SLCO5A1: variants seen among roughly 807,000 people sequenced by gnomAD.
SLCO5A1 encodes the protein organic anion transporter polypeptide-related protein 4.
Under a neutral mutation model 65.1 loss-of-function variants are expected in SLCO5A1, and 39 were observed. The observed-to-expected ratio is 0.60, with a 90% confidence interval of 0.46 to 0.78. The LOEUF (loss-of-function observed/expected upper bound fraction) is 0.78. Among genes scored for constraint, SLCO5A1 ranks in the 30% least tolerant of loss-of-function variants. The pLI is 0.00. For synonymous variants in SLCO5A1, 438 were observed against 415.7 expected (o/e 1.05, Z -0.65); for missense variants, 1,029 against 1,069.4 (o/e 0.96, Z 0.53).
At chr8:69,729,447 A>AC (rs1816238637) in intron 5 of SLCO5A1, among the ~76,000 whole-genome samples, 1 of 6,590 alleles carries the variant, frequency 1.5e-4, no homozygotes, top group African/African-American at 2.6e-4. Context: ...CCGTCCCAAC[A>AC]AAAAAAAAAA....
At chr8:69,794,162 T>C in intron 2 of SLCO5A1, 1 of 293,374 alleles carries the variant, frequency 3.4e-6, no homozygotes, top group Non-Finnish European at 6.6e-6. Context: ...ATGTATGCAT[T>C]ACCATGGATG....
intron 2 of SLCO5A1, among the ~76,000 whole-genome samples, chr8:69,797,584 A>C (rs1035549743): frequency 2.0e-5 from 3 of 152,202 alleles, no homozygotes; most frequent in African/African-American, 7.2e-5. Context: ...GAGAAAGAGA[A>C]TACGTCCCTG....
intron 2 of SLCO5A1, chr8:69,794,305 C>A: frequency 4.3e-6 from 2 of 462,600 alleles, no homozygotes; most frequent in Admixed American, 2.3e-5. Flanking sequence ...GTTAATGTAG[C>A]AAAAGTAGAT....
At chr8:69,769,656 TA>T (rs1563713684) in intron 2 of SLCO5A1, among the ~76,000 whole-genome samples, 1 of 152,236 alleles carries the variant, frequency 6.6e-6, no homozygotes, top group Non-Finnish European at 1.5e-5. Flanking sequence ...TTAACACCTT[TA>T]TGTTATCTTA....
intron 3 of SLCO5A1, among the ~76,000 whole-genome samples, chr8:69,760,058 C>A (rs1294216303): frequency 3.9e-5 from 6 of 152,196 alleles, no homozygotes; most frequent in Admixed American, 3.3e-4. Context: ...TTCTCCCTAC[C>A]TGAGTTGGTT....
chr8:69,731,953 C>T (rs1473545145), intron 5 of SLCO5A1, among the ~76,000 whole-genome samples: 1 of 152,166 alleles, frequency 6.6e-6, no homozygotes, highest in Non-Finnish European at 1.5e-5. Context: ...TTAATCTCAA[C>T]ATTAAAGAGA....
intron 3 of SLCO5A1, among the ~76,000 whole-genome samples, chr8:69,757,843 C>T (rs1037889182): frequency 2.0e-5 from 3 of 152,184 alleles, no homozygotes; most frequent in Non-Finnish European, 4.4e-5. Flanking sequence ...ACTCTCCATT[C>T]CAGTCCCCTG....
At chr8:69,728,511 G>A (rs988372689) in intron 5 of SLCO5A1, among the ~76,000 whole-genome samples, 7 of 152,004 alleles carry the variant, frequency 4.6e-5, no homozygotes, top group African/African-American at 1.4e-4. Flanking sequence ...ACCAAACAGA[G>A]AAGAATTACT....
At chr8:69,759,070 G>A (rs1407011580) in intron 3 of SLCO5A1, among the ~76,000 whole-genome samples, 2 of 152,184 alleles carry the variant, frequency 1.3e-5, no homozygotes, top group African/African-American at 4.8e-5. Context: ...AAATGAGAAT[G>A]TCTGTAGAGC....
At position 69,833,060 on chromosome 8, in the gene SLCO5A1, T is replaced by TG. The variant is rs925218343; in HGVS notation, c.-388dup. ...GAGCGAGTGCACCCTGCGCCGGGGGTGGGGGGGCACTTAGCGCTGCTGTCC... is the reference window on the plus strand; with the variant it reads ...GAGCGAGTGCACCCTGCGCCGGGGGTGGGGGGGGCACTTAGCGCTGCTGTCC... On this transcript the variant is annotated 5_prime_UTR_variant, in exon 2 of 10. Coordinates refer to ENST00000260126, the MANE Select transcript of SLCO5A1 (RefSeq NM_030958.3). 29 of 236,166 alleles carry TG rather than the reference T, an allele frequency of 1.2e-4. No individual in the cohort carries two copies. The highest frequency in any genetic ancestry group is 1.4e-3 in the Middle Eastern group (1 of 694). The allele number at this position is 236,166 out of a possible 1,614,324, so 14.6% of individuals were successfully genotyped here.
At position 69,675,804 on chromosome 8, in the gene SLCO5A1, G is replaced by C. The variant is rs1207550044; in HGVS notation, c.2089+805C>G. ...TTTTTGTCTTGTAGACAATGACACT[G>C]ATTACTGAGGAGAAAATAACAGCTG... is the stretch of plus-strand genomic sequence containing the variant. On this transcript the variant is annotated intron_variant, in intron 9 of 9. Transcript: ENST00000260126. Among the ~76,000 whole-genome samples, 3 of 152,166 alleles carry C rather than the reference G, an allele frequency of 2.0e-5. No homozygotes were observed. The South Asian group carries it at 6.2e-4, about 31-fold the overall frequency.
At chr8:69,775,632 C>T (rs1265250785) in intron 2 of SLCO5A1, among the ~76,000 whole-genome samples, 1 of 151,998 alleles carries the variant, frequency 6.6e-6, no homozygotes, top group East Asian at 1.9e-4. Flanking sequence ...AAGGATGAAT[C>T]CCCTTAGAAC....
chr8:69,777,709 A>T (rs1232030893), intron 2 of SLCO5A1, among the ~76,000 whole-genome samples: 1 of 152,148 alleles, frequency 6.6e-6, no homozygotes. Context: ...CCCACCGGGG[A>T]TGTGAATCCT....
chr8:69,710,599 T>A (rs552869116), intron 5 of SLCO5A1, among the ~76,000 whole-genome samples: 60 of 152,224 alleles, frequency 3.9e-4, no homozygotes, highest in Admixed American at 3.8e-3. Flanking sequence ...ATGAAAACGT[T>A]TTATTCATAA....
intron 5 of SLCO5A1, among the ~76,000 whole-genome samples, chr8:69,729,705 C>A (rs1816249356): frequency 6.6e-6 from 1 of 151,314 alleles, no homozygotes; most frequent in Admixed American, 6.6e-5. Context: ...AGAGAGAGAG[C>A]GTGTGTGTGT....
chr8:69,790,865 G>A (rs1485601176), intron 2 of SLCO5A1, among the ~76,000 whole-genome samples: 1 of 152,156 alleles, frequency 6.6e-6, no homozygotes, highest in Admixed American at 6.5e-5. Flanking sequence ...CTGCTGCCCA[G>A]GAAGACTGAG....
At chr8:69,805,888 C>T (rs745647886) in intron 2 of SLCO5A1, among the ~76,000 whole-genome samples, 9 of 152,184 alleles carry the variant, frequency 5.9e-5, no homozygotes, top group Non-Finnish European at 1.3e-4. Flanking sequence ...AGATGAGAAG[C>T]ATAATTAAGG....
chr8:69,767,727 T>C (rs900929801), intron 2 of SLCO5A1, among the ~76,000 whole-genome samples: 2 of 150,720 alleles, frequency 1.3e-5, no homozygotes, highest in African/African-American at 4.9e-5. Flanking sequence ...CCATCTCTAC[T>C]AAAAATACAA....
At chr8:69,745,001 A>C (rs13263918) in intron 4 of SLCO5A1, among the ~76,000 whole-genome samples, 2 of 152,238 alleles carry the variant, frequency 1.3e-5, no homozygotes, top group African/African-American at 4.8e-5. Context: ...GAAACAGAAA[A>C]TATACAATAT....
Sources: allele counts gnomAD v4.1 joint callset (sites outside exome capture counted in the v4.1 genomes callset), GRCh38; gene constraint gnomAD v4.1.1; transcripts MANE v1.5; gene names NCBI Gene and HGNC (gene_info 2026-07-23, HGNC 2026-07-21).